MAP3K14: variants seen among roughly 807,000 people sequenced by gnomAD.
MAP3K14 encodes the protein NF-kappa-beta-inducing kinase.
Under a neutral mutation model 99.2 loss-of-function variants are expected in MAP3K14, and 16 were observed. The observed-to-expected ratio is 0.16, with a 90% CI of 0.11 to 0.24. MAP3K14 has a LOEUF of 0.24. Among genes scored for constraint, MAP3K14 ranks in the 10% least tolerant of loss-of-function variants. The pLI, the probability that MAP3K14 is intolerant of heterozygous loss-of-function variation, is 1.00. For missense variants in MAP3K14, 784 were observed against 1,208.7 expected, an observed-to-expected ratio of 0.65 and a Z score of 5.21; for synonymous variants, 462 against 492.4, an observed-to-expected ratio of 0.94 and a Z score of 0.82.
chr17:45,274,421 C>T (rs1207251164), intron 7 of MAP3K14, 43 bp downstream of exon 7: 1 of 1,610,204 alleles, frequency 6.2e-7, no homozygotes, highest in Non-Finnish European at 8.5e-7. Context: ...GGGGGGAACT[C>T]TTGGCCCTGA....
intron 10 of MAP3K14, 136 bp from the exon 11 acceptor site, chr17:45,270,699 G>T: frequency 7.9e-7 from 1 of 1,257,894 alleles, no homozygotes; most frequent in Non-Finnish European, 1.1e-6. Context: ...GGAGGGGTCT[G>T]GGCTACAGTG....
chr17:45,309,394 C>T (rs753435704), intron 1 of MAP3K14, among the ~76,000 whole-genome samples: 1 of 152,230 alleles, frequency 6.6e-6, no homozygotes, highest in Non-Finnish European at 1.5e-5. Flanking sequence ...ATAGTCATGG[C>T]TCCTGACCAG....
intron 6 of MAP3K14, among the ~76,000 whole-genome samples, chr17:45,275,760 CTTT>C (rs369154222): frequency 9.7e-5 from 12 of 123,536 alleles, no homozygotes; most frequent in Admixed American, 1.6e-4. Context: ...CTTTTCTTTT[CTTT>C]TTTTTTTTTT....
intron 1 of MAP3K14, among the ~76,000 whole-genome samples, chr17:45,308,588 C>T (rs1388913695): frequency 6.6e-6 from 1 of 152,082 alleles, no homozygotes; most frequent in Non-Finnish European, 1.5e-5. Context: ...ACTACAGCCT[C>T]GAACTCCTGA....
At position 45,286,717 on chromosome 17, in the gene MAP3K14, C is replaced by T. The variant is rs751459366; in HGVS notation, c.866G>A (p.Cys289Tyr). Reference sequence around the variant, plus strand: ...AGGCAAGGGTTTCTGGCTGTCTACACAGGCCAGTTTGCCCAGGAAGGACTC... The same window carrying T: ...AGGCAAGGGTTTCTGGCTGTCTACATAGGCCAGTTTGCCCAGGAAGGACTC... Reference protein sequence around the residue: ...PLESFLGKLACVDSQKPLPDP... With the variant: ...PLESFLGKLAYVDSQKPLPDP... Residue 289 changes from cysteine (C) to tyrosine (Y), a missense_variant, in exon 5 of 16, where the codon TGT becomes TAT. Around this residue, in one of 5 missense-constraint regions of MAP3K14, gnomAD observed 138 missense variants for 164.1 expected, o/e 0.84. Transcript: ENST00000344686. This position sits in a 1 kb window ranked among gnomAD's most constrained non-coding sequence, Gnocchi z 4.1. 1.2e-6 allele frequency: 2 copies of T among 1,609,982 alleles called. No individual in the cohort carries two copies. Among genetic ancestry groups the T allele is most frequent in the African/African-American group, 1.3e-5 (1 of 74,866 alleles).
At chr17:45,274,292 C>T (rs1399997966) in intron 7 of MAP3K14, 38 bp from the exon 8 acceptor site, 6 of 1,587,584 alleles carry the variant, frequency 3.8e-6, no homozygotes, top group Non-Finnish European at 5.1e-6. Flanking sequence ...TGGGACTTGC[C>T]CGAGCCTCCA....
chr17:45,274,053 G>C, intron 8 of MAP3K14, 70 bp downstream of exon 8: 18 of 1,562,238 alleles, frequency 1.2e-5, no homozygotes, highest in Middle Eastern at 3.4e-4. Flanking sequence ...CCAGAACTGA[G>C]AGGAGATCAG....
Position 45,308,569 on chromosome 17 carries a change from C to T in MAP3K14, c.-21+8391G>A, listed in dbSNP as rs574985662. 2.0e-5 allele frequency among the ~76,000 whole-genome samples: 3 copies of T among 152,204 alleles called. No homozygotes were observed. In the East Asian group the frequency reaches 5.8e-4, roughly 29 times the overall value. ...CCCAGGCTGGAATGCAGTGGTACAA[C>T]CATAGCTTACTACAGCCTCGAACTC... On this transcript the variant is annotated intron_variant, in intron 1 of 15. Coordinates refer to ENST00000344686, the MANE Select transcript of MAP3K14 (RefSeq NM_003954.5).
chr17:45,286,807 G>A lies in MAP3K14; in HGVS notation c.776C>T (p.Pro259Leu), dbSNP rs763116163. The change falls in exon 5 of 16, where the codon CCC becomes CTC. Residue 259 changes from proline (P) to leucine (L), a missense_variant. Pro to Leu is a moderately conservative substitution (Grantham distance 98). This residue lies in a region of MAP3K14 where 138 missense variants were observed against 164.1 expected (regional missense o/e 0.84). Coordinates refer to ENST00000344686, the MANE Select transcript of MAP3K14 (RefSeq NM_003954.5). The surrounding 1 kb of genome is among the most constrained non-coding windows in gnomAD (Gnocchi z 4.1). ...GPLPLPTHPF[P>L]YSRLPHPFPF... ...GAAGGGATGAGGCAGTCTGCTATAG[G>A]GGAAGGGGTGCGTGGGCAGGGGCAG... 3.1e-6 allele frequency: 5 copies of A among 1,613,376 alleles called. No homozygotes were observed. Among genetic ancestry groups the A allele is most frequent in the Admixed American group, 1.7e-5 (1 of 59,932 alleles).
chr17:45,300,842 C>T (rs552629605), intron 1 of MAP3K14, among the ~76,000 whole-genome samples: 109 of 130,016 alleles, frequency 8.4e-4, no homozygotes, highest in African/African-American at 2.8e-3. Flanking sequence ...AAGTAGGGAA[C>T]AAATTAAAAA....
At chr17:45,276,523 T>A (rs552315101) in intron 6 of MAP3K14, among the ~76,000 whole-genome samples, 1 of 152,206 alleles carries the variant, frequency 6.6e-6, no homozygotes, top group Non-Finnish European at 1.5e-5. Flanking sequence ...AGACCTTTTT[T>A]TTTTTTGAGA....
At chr17:45,278,212 C>T (rs2143800907) in intron 6 of MAP3K14, among the ~76,000 whole-genome samples, 1 of 152,248 alleles carries the variant, frequency 6.6e-6, no homozygotes, top group African/African-American at 2.4e-5. Flanking sequence ...GTGTCCCGTC[C>T]ATGCTAAAAA....
chr17:45,287,027 C>T lies in MAP3K14; in HGVS notation c.556G>A (p.Gly186Ser), dbSNP rs367885074. The T allele has an allele frequency of 8.1e-6, 13 of 1,611,852 alleles. No individual in the cohort carries two copies. The highest frequency in any genetic ancestry group is 1.6e-4 in the Middle Eastern group (1 of 6,080). ...GGGGTGTTTCTAACATATGGGGCGC[C>T]GAGTGGAGACTCATCCTCCTGCGGG... ...IPVQEDESPLGAPYVRNTPQF... is the reference protein window; with the variant it reads ...IPVQEDESPLSAPYVRNTPQF... The change falls in exon 5 of 16, where the codon GGC becomes AGC. Residue 186 changes from glycine (G) to serine (S), a missense_variant. Transcript: ENST00000344686.
rs1275271781 is a variant in MAP3K14, at chr17:45,263,627, G to A, written c.*1009C>T. ...CTTTGAGGTCATCAGAGTGCAAAGTGCCGTCGGCAGTACCCTCTGGCCAGG... is the reference window on the plus strand; with the variant it reads ...CTTTGAGGTCATCAGAGTGCAAAGTACCGTCGGCAGTACCCTCTGGCCAGG... On this transcript the variant is annotated 3_prime_UTR_variant, in exon 16 of 16. Transcript: ENST00000344686. 6.5e-6 allele frequency: 1 copy of A among 152,728 alleles called. No individual in the cohort carries two copies. Among genetic ancestry groups the A allele is most frequent in the African/African-American group, 2.4e-5 (1 of 41,470 alleles). 9.5% of individuals were successfully genotyped at this position (152,728 alleles called of 1,614,324 possible). A position where few individuals can be genotyped will look rare whatever the true frequency, so the allele number is the denominator to read the frequency against.
chr17:45,296,511 A>C (rs1377759392), intron 1 of MAP3K14, among the ~76,000 whole-genome samples: 1 of 152,032 alleles, frequency 6.6e-6, no homozygotes, highest in Non-Finnish European at 1.5e-5. Context: ...ACCCCATCTC[A>C]AAAGGAAAAA....
chr17:45,308,755 C>T (rs2044449039), intron 1 of MAP3K14, among the ~76,000 whole-genome samples: 2 of 151,764 alleles, frequency 1.3e-5, no homozygotes, highest in Non-Finnish European at 2.9e-5. Context: ...GCAACCTCTG[C>T]CTCCCAGGTT....
intron 1 of MAP3K14, among the ~76,000 whole-genome samples, chr17:45,302,375 T>G (rs1173956761): frequency 6.6e-6 from 1 of 152,212 alleles, no homozygotes; most frequent in Non-Finnish European, 1.5e-5. Flanking sequence ...CGGTGCGATC[T>G]TGGCTTACTG....
intron 6 of MAP3K14, among the ~76,000 whole-genome samples, chr17:45,277,376 G>A (rs1322883442): frequency 1.3e-5 from 2 of 152,094 alleles, no homozygotes; most frequent in Non-Finnish European, 2.9e-5. Flanking sequence ...AGCATCGCCA[G>A]GGGGCGCTGG....
Position 45,270,480 on chromosome 17 carries a change from C to T in MAP3K14, c.1905G>A (p.Arg635=). 6.2e-7 allele frequency: 1 copy of T among 1,611,240 alleles called. No homozygotes were observed. The highest frequency in any genetic ancestry group is 8.5e-7 in the Non-Finnish European group (1 of 1,178,974). ...CAGACACGCGGTGGATGGGCTCTTT[C>T]CTCAGCCCCTCTTGGATGGCCTGGG... ...LTAQAIQEGL[R]KEPIHRVSAA... The change falls in exon 11 of 16, where the codon AGG becomes AGA. Residue 635 remains arginine (R), a synonymous_variant. Transcript: ENST00000344686.
Sources: allele counts gnomAD v4.1 joint callset (sites outside exome capture counted in the v4.1 genomes callset), GRCh38; gene constraint gnomAD v4.1.1; regional missense constraint gnomAD v4.1.1; non-coding constraint Gnocchi (gnomAD v3.1); transcripts MANE v1.5; gene names NCBI Gene and HGNC (gene_info 2026-07-23, HGNC 2026-07-21).